The following NRXN1 variants were observed in gnomAD, a reference collection of about 807,000 sequenced individuals.
The protein encoded by NRXN1 is neurexin-1.
A neutral mutation model predicts 150.9 loss-of-function variants in NRXN1; 39 were observed. That is an observed-to-expected ratio of 0.26 (90% CI 0.20 to 0.34). The LOEUF (loss-of-function observed/expected upper bound fraction) is 0.34. NRXN1 is among the 10% of genes least tolerant of loss of function. The pLI, the probability that NRXN1 is intolerant of heterozygous loss-of-function variation, is 1.00. For missense variants in NRXN1, 1,815 were observed against 1,949.9 expected, an observed-to-expected ratio of 0.93 and a Z score of 1.30; for synonymous variants, 924 against 757.0, an observed-to-expected ratio of 1.22 and a Z score of -3.62.
chr2:50,722,729 A>G (rs939959680), intron 5 of NRXN1, among the ~76,000 whole-genome samples: 7 of 152,334 alleles, frequency 4.6e-5, no homozygotes, highest in African/African-American at 1.7e-4. Context: ...AACTCAAATC[A>G]TGTTAACAAA....
At chr2:50,859,190 G>C (rs1675726419) in intron 5 of NRXN1, among the ~76,000 whole-genome samples, 1 of 151,570 alleles carries the variant, frequency 6.6e-6, no homozygotes, top group Non-Finnish European at 1.5e-5. Context: ...CAATTACCTG[G>C]CTCTGGGTCC....
At chr2:50,072,905 A>G (rs1051124204) in intron 19 of NRXN1, among the ~76,000 whole-genome samples, 2 of 152,134 alleles carry the variant, frequency 1.3e-5, no homozygotes, top group African/African-American at 4.8e-5. Flanking sequence ...GATCCCCTAT[A>G]TTTCCTAAGA....
At chr2:50,800,085 G>A (rs191415179) in intron 5 of NRXN1, among the ~76,000 whole-genome samples, 113 of 152,268 alleles carry the variant, frequency 7.4e-4, no homozygotes, top group African/African-American at 2.1e-3. Flanking sequence ...TCAGTATTTC[G>A]TGACATACTC....
chr2:50,502,382 C>T (rs1353376474), intron 13 of NRXN1, among the ~76,000 whole-genome samples: 1 of 151,994 alleles, frequency 6.6e-6, no homozygotes, highest in Non-Finnish European at 1.5e-5. Context: ...ACTAAGAAGG[C>T]AGAACTACTA....
chr2:50,021,412 C>A lies in NRXN1; in HGVS notation c.4128+31859G>T, dbSNP rs528596331. On this transcript the variant is annotated intron_variant, in intron 21 of 22. Coordinates refer to ENST00000401669, the MANE Select transcript of NRXN1 (RefSeq NM_001330078.2). The stretch of plus-strand genomic sequence containing the variant: ...TTGGAAAATGCGTAGACACAAATGA[C>A]AAAATCAAGTGTAAGCAAAGACAGT... Among the ~76,000 whole-genome samples the A allele has an allele frequency of 1.2e-3, 188 of 152,216 alleles. 2 individuals are homozygous for A. The highest frequency in any genetic ancestry group is 4.4e-3 in the African/African-American group (183 of 41,532).
intron 21 of NRXN1, among the ~76,000 whole-genome samples, chr2:50,034,587 C>G (rs1689722148): frequency 6.6e-6 from 1 of 151,808 alleles, no homozygotes; most frequent in East Asian, 1.9e-4. Flanking sequence ...TATAACCAAC[C>G]CCCATGACAC....
At position 50,053,479 on chromosome 2, in the gene NRXN1, A is replaced by G; in HGVS notation, c.3920T>C (p.Val1307Ala). ...ATCGTTTTCGGCTGCCATATTCAGA[A>G]CTTTCAAGCCATTGTAGTACAGCCC... Reference protein sequence around the residue: ...LSGLYYNGLKVLNMAAENDAN... With the variant: ...LSGLYYNGLKALNMAAENDAN... The change falls in exon 21 of 23, where the codon GTT (valine) becomes GCT (alanine). Residue 1307 changes from valine (V) to alanine (A), a missense_variant. Coordinates refer to ENST00000401669, the MANE Select transcript of NRXN1 (RefSeq NM_001330078.2). 1.2e-6 allele frequency: 2 copies of G among 1,614,026 alleles called. No homozygotes were observed. The highest frequency in any genetic ancestry group is 2.7e-5 in the African/African-American group (2 of 75,044).
chr2:50,102,500 C>G (rs893276169), intron 18 of NRXN1, among the ~76,000 whole-genome samples: 1 of 152,020 alleles, frequency 6.6e-6, no homozygotes, highest in African/African-American at 2.4e-5. Context: ...TACTATACTC[C>G]TGGCACTCTG....
intron 17 of NRXN1, among the ~76,000 whole-genome samples, chr2:50,317,633 A>T (rs963446325): frequency 1.3e-5 from 2 of 152,146 alleles, no homozygotes; most frequent in Admixed American, 1.3e-4. Flanking sequence ...TGTATATAAA[A>T]CAAAGGAAAA....
chr2:50,046,002 T>C (rs193074628), intron 21 of NRXN1, among the ~76,000 whole-genome samples: 33 of 152,336 alleles, frequency 2.2e-4, no homozygotes, highest in African/African-American at 7.9e-4. Flanking sequence ...AATCAAAATA[T>C]GTTATCCAGG....
chr2:50,750,157 A>C (rs2105324823), intron 5 of NRXN1, among the ~76,000 whole-genome samples: 1 of 152,096 alleles, frequency 6.6e-6, no homozygotes, highest in South Asian at 2.1e-4. Context: ...CAATAATAAT[A>C]ATAATGGATG....
At chr2:50,335,656 G>C (rs2077137442) in intron 17 of NRXN1, among the ~76,000 whole-genome samples, 1 of 152,110 alleles carries the variant, frequency 6.6e-6, no homozygotes, top group Non-Finnish European at 1.5e-5. Flanking sequence ...CAGGTGTCCT[G>C]GTTTAACTCC....
chr2:50,948,377 C>T (rs1170251588), intron 2 of NRXN1, among the ~76,000 whole-genome samples: 2 of 151,932 alleles, frequency 1.3e-5, no homozygotes, highest in Non-Finnish European at 2.9e-5. Context: ...TTGCTAATCC[C>T]TGGATGCCTT....
chr2:50,947,952 C>T (rs1448721204), intron 2 of NRXN1, among the ~76,000 whole-genome samples: 1 of 151,936 alleles, frequency 6.6e-6, no homozygotes, highest in Non-Finnish European at 1.5e-5. Context: ...AATATGGTTC[C>T]TACCATATTC....
At chr2:50,162,965 C>T (rs1264791487) in intron 18 of NRXN1, among the ~76,000 whole-genome samples, 2 of 151,798 alleles carry the variant, frequency 1.3e-5, no homozygotes, top group Admixed American at 6.6e-5. Context: ...TTGTATGCAA[C>T]ATTCTTCTTC....
intron 8 of NRXN1, among the ~76,000 whole-genome samples, chr2:50,577,003 A>G (rs1671535290): frequency 6.6e-6 from 1 of 152,146 alleles, no homozygotes; most frequent in Admixed American, 6.6e-5. Context: ...ATCAGCAGCC[A>G]TATTCTCATC....
In NRXN1 at chr2:49,954,056, T is replaced by A. The variant is rs1457225185; in HGVS notation, c.4129-10265A>T. On this transcript the variant is annotated intron_variant, in intron 21 of 22. Coordinates refer to ENST00000401669, the MANE Select transcript of NRXN1 (RefSeq NM_001330078.2). The stretch of plus-strand genomic sequence containing the variant: ...TTATTATTATAACTAATAATTTTTG[T>A]TCCTCACATGATGCTACAAAGGAGA... Among the ~76,000 whole-genome samples the A allele has an allele frequency of 2.0e-5, 3 of 152,278 alleles. 1 individual carries two copies. In the East Asian group the frequency reaches 5.8e-4, roughly 29 times the overall value.
intron 17 of NRXN1, among the ~76,000 whole-genome samples, chr2:50,297,666 T>A (rs1316226519): frequency 6.6e-6 from 1 of 152,202 alleles, no homozygotes; most frequent in Non-Finnish European, 1.5e-5. Flanking sequence ...CACCGGGTGG[T>A]AATTTAATCA....
intron 5 of NRXN1, among the ~76,000 whole-genome samples, chr2:50,875,857 C>A (rs1407046519): frequency 6.6e-6 from 1 of 151,836 alleles, no homozygotes; most frequent in African/African-American, 2.4e-5. Context: ...TAGCACATTG[C>A]ACTGTCAGCC....
Sources: allele counts gnomAD v4.1 joint callset (sites outside exome capture counted in the v4.1 genomes callset), GRCh38; gene constraint gnomAD v4.1.1; transcripts MANE v1.5; gene names NCBI Gene and HGNC (gene_info 2026-07-23, HGNC 2026-07-21).